Variants in EPHB2 observed in about 807,000 individuals in gnomAD.
EPHB2 encodes EPH receptor B2.
A neutral mutation model predicts 96.4 loss-of-function variants in EPHB2; 18 were observed. That is an observed-to-expected ratio of 0.19 (90% CI 0.13 to 0.28). The LOEUF is 0.28. EPHB2 is among the 10% of genes least tolerant of loss of function. EPHB2 has a pLI of 1.00. For missense variants in EPHB2, 989 were observed against 1,355.4 expected (o/e 0.73, Z 4.25); for synonymous variants, 506 against 534.1 (o/e 0.95, Z 0.72).
Position 22,906,132 on chromosome 1 carries a change from T to C in EPHB2, c.1888+23T>C. On this transcript the variant is annotated intron_variant, in intron 10 of 15. Coordinates refer to ENST00000374630, the MANE Select transcript of EPHB2 (RefSeq NM_017449.5). This position sits in a 1 kb window ranked among gnomAD's most constrained non-coding sequence, Gnocchi z 4.8. ...CAGGTAGGTGGCTGGTACTCTCACA[T>C]GTACTATGACCTTAGCCATGGCTGG... The C allele has an allele frequency of 6.2e-7, 1 of 1,614,142 alleles. No homozygotes were observed. The highest frequency in any genetic ancestry group is 8.5e-7 in the Non-Finnish European group (1 of 1,180,006).
At chr1:22,739,318 C>G (rs369130057) in intron 1 of EPHB2, among the ~76,000 whole-genome samples, 2 of 152,116 alleles carry the variant, frequency 1.3e-5, no homozygotes, top group Non-Finnish European at 2.9e-5. Context: ...CAGGTTCAAG[C>G]GATTCTCGTG....
At chr1:22,819,871 C>T (rs992487484) in intron 3 of EPHB2, among the ~76,000 whole-genome samples, 3 of 151,718 alleles carry the variant, frequency 2.0e-5, no homozygotes, top group Non-Finnish European at 2.9e-5. Flanking sequence ...TAACCACCCC[C>T]TCAGGGCCAG....
At chr1:22,884,018 T>C (rs1424976906) in intron 6 of EPHB2, among the ~76,000 whole-genome samples, 1 of 81,174 alleles carries the variant, frequency 1.2e-5, no homozygotes, top group Non-Finnish European at 2.3e-5. Context: ...CATCCTCCCC[T>C]CATCTCTGCC....
intron 1 of EPHB2, among the ~76,000 whole-genome samples, chr1:22,729,469 C>G (rs1643655236): frequency 6.6e-6 from 1 of 152,194 alleles, no homozygotes; most frequent in African/African-American, 2.4e-5. Context: ...TCTTCCTTGG[C>G]CCATAGGCCC....
rs1249107453 is a variant in EPHB2, at chr1:22,784,303, T to G, written c.127-89T>G. 1 of 1,337,956 alleles carries G rather than the reference T, an allele frequency of 7.5e-7. No homozygotes were observed. Among genetic ancestry groups the G allele is most frequent in the Non-Finnish European group, 1.1e-6 (1 of 940,514 alleles). The allele number at this position is 1,337,956 out of a possible 1,614,324, so 82.9% of individuals were successfully genotyped here. A position where few individuals can be genotyped will look rare whatever the true frequency, so the allele number is the denominator to read the frequency against. On this transcript the variant is annotated intron_variant, in intron 2 of 15. Transcript: ENST00000374630. This position sits in a 1 kb window ranked among gnomAD's most constrained non-coding sequence, Gnocchi z 5.1. Reference sequence around the variant, plus strand: ...TTCACCATTAGACTGGAGGGTTCCCTAAGGCAGAGTCTGTGTCTTCCACCT... The same window carrying G: ...TTCACCATTAGACTGGAGGGTTCCCGAAGGCAGAGTCTGTGTCTTCCACCT...
intron 3 of EPHB2, among the ~76,000 whole-genome samples, chr1:22,830,433 G>A (rs1460919942): frequency 6.6e-6 from 1 of 152,182 alleles, no homozygotes; most frequent in Admixed American, 6.5e-5. Context: ...AGTACACTGG[G>A]CAAGTGATAT....
At chr1:22,796,900 A>G (rs944570937) in intron 3 of EPHB2, among the ~76,000 whole-genome samples, 1 of 152,190 alleles carries the variant, frequency 6.6e-6, no homozygotes, top group African/African-American at 2.4e-5. Flanking sequence ...AGGTTAAATA[A>G]CCAAGCCAAG....
chr1:22,912,229 C>T (rs902190597), intron 14 of EPHB2, among the ~76,000 whole-genome samples: 1 of 152,226 alleles, frequency 6.6e-6, no homozygotes, highest in Non-Finnish European at 1.5e-5. Context: ...CACACTCACT[C>T]TCGCATGCTC....
rs532163376 is a variant in EPHB2, at chr1:22,915,157, C to G, written c.*1587C>G. ...CCTGGAGAGAAAGTGTGTGATTTCT[C>G]TCCCACCTCCTTCCCCCCACCAGAC... On this transcript the variant is annotated 3_prime_UTR_variant, in exon 16 of 16. Coordinates refer to ENST00000374630, the MANE Select transcript of EPHB2 (RefSeq NM_017449.5). The G allele has an allele frequency of 6.6e-6, 1 of 152,536 alleles. No homozygotes were observed. Among genetic ancestry groups the G allele is most frequent in the Non-Finnish European group, 1.5e-5 (1 of 68,054 alleles). 9.4% of individuals were successfully genotyped at this position (152,536 alleles called of 1,614,324 possible).
rs1036710127 is a variant in EPHB2, at chr1:22,858,587, T to C, written c.812-4450T>C. Among the ~76,000 whole-genome samples, 18 of 152,192 alleles carry C rather than the reference T, an allele frequency of 1.2e-4. No individual in the cohort carries two copies. The highest frequency in any genetic ancestry group is 4.3e-4 in the African/African-American group (18 of 41,448). ...TTCCTGTGTTTCAGGTCTCATTGTCTTCTTCCCACTTCTGCACGTGACATG... is the reference window on the plus strand; with the variant it reads ...TTCCTGTGTTTCAGGTCTCATTGTCCTCTTCCCACTTCTGCACGTGACATG... On this transcript the variant is annotated intron_variant, in intron 3 of 15. Coordinates refer to ENST00000374630, the MANE Select transcript of EPHB2 (RefSeq NM_017449.5). This position sits in a 1 kb window ranked among gnomAD's most constrained non-coding sequence, Gnocchi z 7.7.
At position 22,882,498 on chromosome 1, in the gene EPHB2, G is replaced by A. The variant is rs1440757041; in HGVS notation, c.1428+15G>A. On this transcript the variant is annotated intron_variant, in intron 6 of 15. Coordinates refer to ENST00000374630, the MANE Select transcript of EPHB2 (RefSeq NM_017449.5). ...ACTATGAGAAGGTACCTATTGGCTG[G>A]GTGCTGTCCCCATCACCCACCTCCC... The A allele has an allele frequency of 5.0e-6, 8 of 1,613,282 alleles. No homozygotes were observed. The highest frequency in any genetic ancestry group is 1.3e-5 in the African/African-American group (1 of 74,908).
chr1:22,761,629 A>G (rs558171945), intron 1 of EPHB2, among the ~76,000 whole-genome samples: 3 of 152,310 alleles, frequency 2.0e-5, no homozygotes, highest in Non-Finnish European at 4.4e-5. Context: ...GGGAGTGTTG[A>G]GTAAGATAAT....
Position 22,864,916 on chromosome 1 carries a change from A to G in EPHB2, c.1007A>G (p.Asn336Ser). ...CCCCAGGCTGTGATTTCCAGTGTCA[A>G]TGAGACCTCCCTCATGCTGGAGTGG... is the stretch of plus-strand genomic sequence containing the variant. ...SAPQAVISSVNETSLMLEWTP... is the reference protein window; with the variant it reads ...SAPQAVISSVSETSLMLEWTP... The change falls in exon 5 of 16, where the codon AAT (asparagine) becomes AGT (serine). Residue 336 changes from asparagine (N) to serine (S), a missense_variant. By Grantham distance (46) the Asn-to-Ser change is conservative (BLOSUM62 1). Transcript: ENST00000374630. 6.2e-7 allele frequency: 1 copy of G among 1,609,286 alleles called. No homozygotes were observed.
chr1:22,867,248 G>A (rs1638509046), intron 5 of EPHB2, among the ~76,000 whole-genome samples: 1 of 152,218 alleles, frequency 6.6e-6, no homozygotes, highest in African/African-American at 2.4e-5. Context: ...TGGTGAACAT[G>A]TGTTTACAAC....
At chr1:22,772,425 G>A (rs1055900814) in intron 1 of EPHB2, among the ~76,000 whole-genome samples, 1 of 152,198 alleles carries the variant, frequency 6.6e-6, no homozygotes, top group Admixed American at 6.5e-5. Flanking sequence ...GAGAGTCCTC[G>A]GGCAGAAGGA....
chr1:22,867,376 A>G (rs1638512775), intron 5 of EPHB2, among the ~76,000 whole-genome samples: 1 of 152,130 alleles, frequency 6.6e-6, no homozygotes, highest in Non-Finnish European at 1.5e-5. Flanking sequence ...ATGAGTTTGT[A>G]CATCCAAATG....
At chr1:22,862,476 G>T (rs1158693274) in intron 3 of EPHB2, among the ~76,000 whole-genome samples, 1 of 152,222 alleles carries the variant, frequency 6.6e-6, no homozygotes, top group East Asian at 1.9e-4. Flanking sequence ...AGTCTGAGTA[G>T]TTAAGCAGCT....
At chr1:22,859,432 G>C (rs922882955) in intron 3 of EPHB2, among the ~76,000 whole-genome samples, 8 of 152,108 alleles carry the variant, frequency 5.3e-5, no homozygotes, top group African/African-American at 1.9e-4. Context: ...TTGGGGAGCT[G>C]ATGTGGACAT....
At chr1:22,767,742 G>A (rs1248514114) in intron 1 of EPHB2, among the ~76,000 whole-genome samples, 1 of 152,152 alleles carries the variant, frequency 6.6e-6, no homozygotes, top group Non-Finnish European at 1.5e-5. Context: ...AGGCTCTCTT[G>A]ATTTCGAGCC....
Sources: allele counts gnomAD v4.1 joint callset (sites outside exome capture counted in the v4.1 genomes callset), GRCh38; gene constraint gnomAD v4.1.1; non-coding constraint Gnocchi (gnomAD v3.1); transcripts MANE v1.5; gene names NCBI Gene and HGNC (gene_info 2026-07-23, HGNC 2026-07-21).